The following CTTNBP2 variants were observed in gnomAD, a reference collection of about 807,000 sequenced individuals.
CTTNBP2 encodes the protein cortactin binding protein 2.
In CTTNBP2, 108 loss-of-function variants were observed where a neutral mutation model predicts 156.9. That is an observed-to-expected ratio of 0.69 (90% CI 0.59 to 0.81). CTTNBP2 has a LOEUF of 0.81. CTTNBP2 is among the 30% of genes least tolerant of loss of function. The pLI is 0.00. For missense variants in CTTNBP2, 1,924 were observed against 2,035.4 expected (o/e 0.95, Z 1.05); for synonymous variants, 767 against 751.8 (o/e 1.02, Z -0.33).
At chr7:117,804,150 A>T (rs1168569130) in intron 3 of CTTNBP2, among the ~76,000 whole-genome samples, 2 of 152,060 alleles carry the variant, frequency 1.3e-5, no homozygotes, top group African/African-American at 4.8e-5. Flanking sequence ...TTTAGTAGAG[A>T]CGGAGTTTCA....
At chr7:117,838,754 G>T (rs913573481) in intron 2 of CTTNBP2, among the ~76,000 whole-genome samples, 2 of 151,812 alleles carry the variant, frequency 1.3e-5, no homozygotes, top group Non-Finnish European at 2.9e-5. Flanking sequence ...CACAAATAGT[G>T]GCATATAAAA....
chr7:117,864,541 C>G (rs961524645), intron 1 of CTTNBP2, among the ~76,000 whole-genome samples: 1 of 138,066 alleles, frequency 7.2e-6, no homozygotes, highest in African/African-American at 2.5e-5. Flanking sequence ...TCTTAAGACT[C>G]CAAGTATTTT....
At position 117,721,344 on chromosome 7, in the gene CTTNBP2, A is replaced by G. The variant is rs112809131; in HGVS notation, c.4448-214T>C. 5.3e-3 allele frequency among the ~76,000 whole-genome samples: 811 copies of G among 152,278 alleles called. 9 individuals are homozygous for G. Among genetic ancestry groups the G allele is most frequent in the African/African-American group, 0.018 (745 of 41,556 alleles). On this transcript the variant is annotated intron_variant, in intron 19 of 22. Transcript: ENST00000160373. ...AGTCAAGGAATAGCCAACTCCCTCG[A>G]GTACATTTTGATGGAACTCGGTACA...
At chr7:117,787,242 A>G (rs1798749719) in intron 4 of CTTNBP2, among the ~76,000 whole-genome samples, 1 of 152,178 alleles carries the variant, frequency 6.6e-6, no homozygotes, top group Admixed American at 6.5e-5. Context: ...TCATACAGCT[A>G]CTCTAATGAT....
In CTTNBP2 at chr7:117,717,182, T is replaced by C. The variant is rs971011679; in HGVS notation, c.4746+836A>G. 6.6e-5 allele frequency among the ~76,000 whole-genome samples: 10 copies of C among 152,328 alleles called. No homozygotes were observed. The South Asian group carries it at 1.5e-3, about 22-fold the overall frequency. ...TAACCAACTGATAATGGTGCAGTGC[T>C]GTAGTCATGGAAGCTATTTCAAAAG... On this transcript the variant is annotated intron_variant, in intron 22 of 22. Transcript: ENST00000160373.
In CTTNBP2 at chr7:117,792,439, T is replaced by C. The variant is rs932598793; in HGVS notation, c.757A>G (p.Thr253Ala). The C allele has an allele frequency of 3.7e-6, 6 of 1,614,182 alleles. No homozygotes were observed. The highest frequency in any genetic ancestry group is 5.1e-6 in the Non-Finnish European group (6 of 1,180,038). Reference protein sequence around the residue: ...AKLNREEAHTTDLKEEIDKMR... With the variant: ...AKLNREEAHTADLKEEIDKMR... ...TTGTCTATCTCCTCTTTGAGGTCAG[T>C]GGTGTGTGCTTCTTCCCGGTTCAGC... Residue 253 changes from threonine (T) to alanine (A), a missense_variant, in exon 4 of 23, where the codon ACT becomes GCT. Thr to Ala is a moderately conservative substitution (Grantham distance 58). Transcript: ENST00000160373. The surrounding 1 kb of genome is among the most constrained non-coding windows in gnomAD (Gnocchi z 4.2).
intron 16 of CTTNBP2, among the ~76,000 whole-genome samples, chr7:117,731,838 A>G (rs576159049): frequency 1.5e-4 from 23 of 152,348 alleles, no homozygotes; most frequent in South Asian, 4.1e-4. Context: ...ATAGATCTGT[A>G]GCTGATTACA....
chr7:117,756,909 T>C (rs1796916163), intron 11 of CTTNBP2, among the ~76,000 whole-genome samples: 2 of 152,138 alleles, frequency 1.3e-5, no homozygotes, highest in African/African-American at 4.8e-5. Context: ...CCAGCAACCA[T>C]AGACAGGGCC....
chr7:117,853,142 C>T (rs1803038282), intron 2 of CTTNBP2, among the ~76,000 whole-genome samples: 1 of 152,148 alleles, frequency 6.6e-6, no homozygotes, highest in Admixed American at 6.5e-5. Flanking sequence ...CCTCAGGATT[C>T]CTGCAAAGCA....
rs750459552 is a variant in CTTNBP2, at chr7:117,745,866, G to A, written c.3500C>T (p.Ser1167Phe). 1 of 1,614,064 alleles carries A rather than the reference G, an allele frequency of 6.2e-7. No homozygotes were observed. The highest frequency in any genetic ancestry group is 1.1e-5 in the South Asian group (1 of 91,072). ...IVRAEVDAGF[S>F]KEQLLDLFIS... ...GAACAGGTCTAGTAGCTGTTCCTTG[G>A]AAAAACCAGCATCTACTTCAGCTCT... The change falls in exon 14 of 23, where the codon TCC becomes TTC. Residue 1167 changes from serine (S) to phenylalanine (F), a missense_variant. Transcript: ENST00000160373.
intron 7 of CTTNBP2, among the ~76,000 whole-genome samples, chr7:117,779,610 T>A (rs1023043808): frequency 9.2e-5 from 14 of 151,906 alleles, no homozygotes; most frequent in African/African-American, 3.4e-4. Context: ...TATATATAAA[T>A]AACATGAAAA....
rs764494917 is a variant in CTTNBP2 at position 117,810,950 on chromosome 7, T to C, written c.229A>G (p.Arg77Gly). Residue 77 changes from arginine to glycine, a missense_variant, in exon 3 of 23, where the codon AGA (arginine) becomes GGA (glycine). Arg to Gly is a moderately radical substitution (Grantham distance 125, BLOSUM62 -2). Transcript: ENST00000160373. ...AGGAACGGGTCATTTAGATTAAATC[T>C]CCCATACCGTTCCTGGATAAATACC... ...KEVFIQERYGRFNLNDPFLAL... is the reference protein window; with the variant it reads ...KEVFIQERYGGFNLNDPFLAL... 1.2e-6 allele frequency: 2 copies of C among 1,613,922 alleles called. No individual in the cohort carries two copies. Among genetic ancestry groups the C allele is most frequent in the African/African-American group, 2.7e-5 (2 of 74,988 alleles).
chr7:117,764,142 T>A (rs1367168541), intron 9 of CTTNBP2, among the ~76,000 whole-genome samples: 1 of 152,172 alleles, frequency 6.6e-6, no homozygotes, highest in Non-Finnish European at 1.5e-5. Context: ...TGGTATCCTG[T>A]GTATCAAGAT....
intron 3 of CTTNBP2, among the ~76,000 whole-genome samples, chr7:117,797,158 T>C (rs987994089): frequency 9.9e-5 from 15 of 152,082 alleles, no homozygotes; most frequent in Non-Finnish European, 1.9e-4. Context: ...AGGATGAAAC[T>C]GAGGTTGCCA....
intron 14 of CTTNBP2, among the ~76,000 whole-genome samples, chr7:117,738,716 G>C (rs368836365): frequency 9.6e-4 from 146 of 152,272 alleles, no homozygotes; most frequent in African/African-American, 3.4e-3. Context: ...GGCTTGATGT[G>C]TTTGATGAGT....
chr7:117,789,114 T>C (rs2116844990), intron 4 of CTTNBP2, among the ~76,000 whole-genome samples: 1 of 152,290 alleles, frequency 6.6e-6, no homozygotes, highest in South Asian at 2.1e-4. Context: ...GGTGAATAGA[T>C]AATAGATTAG....
At chr7:117,723,404 C>T (rs1397433557) in intron 19 of CTTNBP2, among the ~76,000 whole-genome samples, 3 of 152,050 alleles carry the variant, frequency 2.0e-5, no homozygotes, top group Admixed American at 2.0e-4. Context: ...ATTTTAAGCA[C>T]CTCATTTAGA....
At chr7:117,816,683 C>T (rs973408546) in intron 2 of CTTNBP2, among the ~76,000 whole-genome samples, 1 of 152,152 alleles carries the variant, frequency 6.6e-6, no homozygotes, top group African/African-American at 2.4e-5. Context: ...TTCCTTCTAA[C>T]GTTCTTGTAA....
intron 2 of CTTNBP2, among the ~76,000 whole-genome samples, chr7:117,826,712 ATAT>A (rs201545756): frequency 0.026 from 3,994 of 151,968 alleles, 199 homozygotes; most frequent in African/African-American, 0.092. Flanking sequence ...AAAGTTTGTG[ATAT>A]TATAATAAAC....
Sources: gnomAD v4.1 joint callset for allele counts (sites outside exome capture counted in the v4.1 genomes callset) on GRCh38, gnomAD v4.1.1 for gene constraint, Gnocchi (gnomAD v3.1) non-coding constraint, MANE v1.5 for transcripts, NCBI Gene and HGNC (gene_info 2026-07-23, HGNC 2026-07-21) for gene names.